The following PDS5B variants were observed in gnomAD, a reference collection of about 807,000 sequenced individuals.
PDS5B encodes PDS5 cohesin associated factor B.
A neutral mutation model predicts 184.1 loss-of-function variants in PDS5B; 51 were observed. That is an observed-to-expected ratio of 0.28 (90% CI 0.22 to 0.35). The LOEUF (loss-of-function observed/expected upper bound fraction) is 0.35. Ranked by LOEUF, PDS5B falls within the 10% of genes least tolerant of loss-of-function variation. The pLI is 1.00. For synonymous variants in PDS5B, 566 were observed against 569.2 expected (o/e 0.99, Z 0.08); for missense variants, 1,180 against 1,723.3 (o/e 0.68, Z 5.58).
At chr13:32,647,754 A>T (rs1950264901) in intron 1 of PDS5B, among the ~76,000 whole-genome samples, 1 of 152,030 alleles carries the variant, frequency 6.6e-6, no homozygotes, top group African/African-American at 2.4e-5. Flanking sequence ...CTTTAAGATT[A>T]TAGTAGTTTT....
chr13:32,761,845 T>C (rs911542945), intron 30 of PDS5B, among the ~76,000 whole-genome samples: 1 of 152,194 alleles, frequency 6.6e-6, no homozygotes, highest in Non-Finnish European at 1.5e-5. Context: ...CTGGATCAAA[T>C]GGTAGTTCTG....
intron 19 of PDS5B, among the ~76,000 whole-genome samples, chr13:32,711,638 A>G (rs182158994): frequency 7.6e-4 from 116 of 152,336 alleles, no homozygotes; most frequent in African/African-American, 2.6e-3. Context: ...GATTACAGGC[A>G]TGAACCACCG....
intron 21 of PDS5B, among the ~76,000 whole-genome samples, chr13:32,737,375 G>T (rs1178424180): frequency 6.6e-6 from 1 of 152,020 alleles, no homozygotes; most frequent in African/African-American, 2.4e-5. Context: ...GTTTAACAAG[G>T]CCTTTACTTA....
chr13:32,678,936 T>TA lies in PDS5B; in HGVS notation c.1057+8dup, dbSNP rs1566317294. 1 of 1,443,856 alleles carries TA rather than the reference T, an allele frequency of 6.9e-7. No individual in the cohort carries two copies. The highest frequency in any genetic ancestry group is 9.8e-7 in the Non-Finnish European group (1 of 1,025,334). 89.4% of individuals were successfully genotyped at this position (1,443,856 alleles called of 1,614,324 possible). A position where few individuals can be genotyped will look rare whatever the true frequency, so the allele number is the denominator to read the frequency against. On this transcript the variant is annotated splice_region_variant and intron_variant, in intron 10 of 34. Transcript: ENST00000315596. ...TTAGCAAAAGACTTAACAGGTACTA[T>TA]ATATATGTAACAGCAAATATTCTTA...
intron 1 of PDS5B, among the ~76,000 whole-genome samples, chr13:32,627,072 A>G (rs987827234): frequency 2.0e-5 from 3 of 152,162 alleles, no homozygotes; most frequent in Non-Finnish European, 4.4e-5. Flanking sequence ...TATTACCTTC[A>G]AAAAGAAGGT....
intron 21 of PDS5B, among the ~76,000 whole-genome samples, chr13:32,739,001 G>A (rs757321360): frequency 2.6e-5 from 4 of 152,066 alleles, no homozygotes; most frequent in Admixed American, 6.6e-5. Flanking sequence ...TTTTAATGTA[G>A]CTGTATTTAT....
At chr13:32,756,061 T>A (rs1209221064) in intron 26 of PDS5B, 105 bp downstream of exon 26, 1 of 624,392 alleles carries the variant, frequency 1.6e-6, no homozygotes, top group African/African-American at 1.9e-5. Flanking sequence ...TGTATTTCAT[T>A]TCTTAGGTGT....
intron 9 of PDS5B, among the ~76,000 whole-genome samples, chr13:32,677,867 ATACT>A (rs1951114527): frequency 6.6e-6 from 1 of 152,168 alleles, no homozygotes; most frequent in African/African-American, 2.4e-5. Context: ...AATGTTCTTG[ATACT>A]TAATTTTTTT....
chr13:32,635,837 C>T (rs1314184843), intron 1 of PDS5B, among the ~76,000 whole-genome samples: 2 of 147,900 alleles, frequency 1.4e-5, no homozygotes, highest in African/African-American at 2.5e-5. Flanking sequence ...GGTGCTATCT[C>T]GGCTCACTGC....
intron 1 of PDS5B, among the ~76,000 whole-genome samples, chr13:32,607,933 G>A (rs570866396): frequency 3.4e-4 from 52 of 152,308 alleles, no homozygotes; most frequent in African/African-American, 1.0e-3. Flanking sequence ...GGGTGGGAGC[G>A]TCCTGATTTT....
intron 1 of PDS5B, among the ~76,000 whole-genome samples, chr13:32,608,971 G>A (rs192931994): frequency 2.0e-5 from 3 of 152,108 alleles, no homozygotes; most frequent in African/African-American, 2.4e-5. Flanking sequence ...CTTTTGAGGC[G>A]AACCCTAACT....
chr13:32,677,996 T>C (rs1375672762), intron 9 of PDS5B, among the ~76,000 whole-genome samples: 1 of 152,100 alleles, frequency 6.6e-6, no homozygotes, highest in East Asian at 1.9e-4. Flanking sequence ...CCATCTATGG[T>C]ATTTTGGTAG....
intron 18 of PDS5B, among the ~76,000 whole-genome samples, chr13:32,708,623 G>A (rs1360105615): frequency 6.6e-6 from 1 of 151,920 alleles, no homozygotes; most frequent in Non-Finnish European, 1.5e-5. Flanking sequence ...TTCAAAATAT[G>A]GAATATAATA....
chr13:32,696,841 G>T lies in PDS5B; in HGVS notation c.1552-13G>T. The T allele has an allele frequency of 1.9e-6, 3 of 1,585,242 alleles. No individual in the cohort carries two copies. Among genetic ancestry groups the T allele is most frequent in the Non-Finnish European group, 2.6e-6 (3 of 1,160,766 alleles). On this transcript the variant is annotated splice_polypyrimidine_tract_variant and intron_variant, in intron 14 of 34. Coordinates refer to ENST00000315596, the MANE Select transcript of PDS5B (RefSeq NM_015032.4). ...GGGAATTTTAATTTTGCATTTTTTT[G>T]TGTGATTTACAGACAGATGCCAGTG...
intron 21 of PDS5B, among the ~76,000 whole-genome samples, chr13:32,738,233 C>G (rs771639384): frequency 6.6e-6 from 1 of 152,124 alleles, no homozygotes; most frequent in African/African-American, 2.4e-5. Context: ...GGTTTTATTC[C>G]TACGAGTGAA....
At chr13:32,731,467 TTA>T (rs1452543271) in intron 19 of PDS5B, among the ~76,000 whole-genome samples, 3 of 152,118 alleles carry the variant, frequency 2.0e-5, no homozygotes, top group Admixed American at 6.5e-5. Context: ...TGTAATTCTC[TTA>T]TACCTCCCTC....
At position 32,746,085 on chromosome 13, in the gene PDS5B, T is replaced by C. The variant is rs1351377040; in HGVS notation, c.2721T>C (p.Cys907=). The C allele has an allele frequency of 6.2e-7, 1 of 1,612,516 alleles. No individual in the cohort carries two copies. Among genetic ancestry groups the C allele is most frequent in the South Asian group, 1.1e-5 (1 of 90,946 alleles). ...TCACATTAGAACAATATCAGCTATG[T>C]GCATTAGCTATCAACGTAAGGAAAT... is the stretch of plus-strand genomic sequence containing the variant. ...EIITLEQYQL[C]ALAINDECYQ... The change falls in exon 24 of 35, where the codon TGT becomes TGC. Residue 907 remains cysteine, a synonymous_variant. Transcript: ENST00000315596.
At chr13:32,590,635 A>G (rs141506607) in intron 1 of PDS5B, among the ~76,000 whole-genome samples, 1 of 152,228 alleles carries the variant, frequency 6.6e-6, no homozygotes, top group African/African-American at 2.4e-5. Flanking sequence ...ACCTGAAAAG[A>G]AATGAGATTT....
Position 32,749,638 on chromosome 13 carries a change from A to G in PDS5B, c.2736+3538A>G, listed in dbSNP as rs537542610. Among the ~76,000 whole-genome samples, 155 of 152,330 alleles carry G rather than the reference A, an allele frequency of 1.0e-3. 1 individual carries two copies. Among genetic ancestry groups the G allele is most frequent in the Non-Finnish European group, 1.6e-3 (106 of 68,018 alleles). On this transcript the variant is annotated intron_variant, in intron 24 of 34. Transcript: ENST00000315596. Reference sequence around the variant, plus strand: ...TGGTTATAGCCCAAAGAAGCTAACAATCTCTTAGGAGAACAGAAAATAGAG... The same window carrying G: ...TGGTTATAGCCCAAAGAAGCTAACAGTCTCTTAGGAGAACAGAAAATAGAG...
Sources: allele counts gnomAD v4.1 joint callset (sites outside exome capture counted in the v4.1 genomes callset), GRCh38; gene constraint gnomAD v4.1.1; transcripts MANE v1.5; gene names NCBI Gene and HGNC (gene_info 2026-07-23, HGNC 2026-07-21).